NEB: variants seen among roughly 807,000 people sequenced by gnomAD.
NEB encodes nebulin.
A neutral mutation model predicts 952.2 loss-of-function variants in NEB; 512 were observed. The observed-to-expected ratio is 0.54, with a 90% CI of 0.50 to 0.58. The LOEUF is 0.58. Among genes scored for constraint, NEB ranks in the 20% least tolerant of loss-of-function variants. The pLI is 0.00. For synonymous variants in NEB, 2,900 were observed against 3,149.8 expected (o/e 0.92, Z 2.66); for missense variants, 8,428 against 9,231.1 (o/e 0.91, Z 3.56).
intron 109 of NEB, 73 bp downstream of exon 109, chr2:151,570,008 G>T (rs2153751951): frequency 1.4e-6 from 2 of 1,392,484 alleles, no homozygotes; most frequent in Admixed American, 2.0e-5. Flanking sequence ...GACAGAAGGG[G>T]TTAGTGTCAT....
Position 151,627,525 on chromosome 2 carries a change from C to T in NEB, c.10141G>A (p.Asp3381Asn), listed in dbSNP as rs374760449. Residue 3381 changes from aspartate to asparagine, a missense_variant and splice_region_variant, in exon 69 of 182, where the codon GAT becomes AAT. This residue lies in a region of NEB where 1,772 missense variants were observed against 1,960.3 expected (regional missense o/e 0.90). Coordinates refer to ENST00000397345, the MANE Select transcript of NEB (RefSeq NM_001164508.2). ...TACCATGGATCTTAATTACTCACAT[C>T]GCTCTGGAGGTCATAGGCCTGCCGA... ...HARQAYDLQS[D>N]NIYKSDLQWL... is the part of the protein sequence containing the mutation. The T allele has an allele frequency of 4.2e-5, 68 of 1,613,258 alleles. No homozygotes were observed. The African/African-American group carries it at 4.3e-4, about 10-fold the overall frequency.
chr2:151,677,309 T>C (rs777259646), intron 34 of NEB, among the ~76,000 whole-genome samples: 3 of 152,168 alleles, frequency 2.0e-5, no homozygotes, highest in Non-Finnish European at 4.4e-5. Context: ...TTTTTCACCA[T>C]GTCAAGTTTA....
At chr2:151,694,284 C>A in intron 20 of NEB, 39 bp downstream of exon 20, 1 of 1,546,218 alleles carries the variant, frequency 6.5e-7, no homozygotes, top group Non-Finnish European at 8.9e-7. Flanking sequence ...AACTTTGTGG[C>A]CACGTCTGAA....
intron 73 of NEB, among the ~76,000 whole-genome samples, chr2:151,618,755 A>T (rs922707973): frequency 6.6e-6 from 1 of 152,146 alleles, no homozygotes; most frequent in Non-Finnish European, 1.5e-5. Context: ...TTTTACAGAG[A>T]AGCATGCTTT....
chr2:151,625,494 C>A, intron 71 of NEB, 40 bp downstream of exon 71: 2 of 1,411,440 alleles, frequency 1.4e-6, no homozygotes, highest in South Asian at 2.6e-5. Context: ...CGGCAACAAT[C>A]AATGTGGCCA....
chr2:151,681,454 T>C (rs1484023400), intron 29 of NEB, among the ~76,000 whole-genome samples: 2 of 152,242 alleles, frequency 1.3e-5, no homozygotes, highest in African/African-American at 4.8e-5. Flanking sequence ...CTTATTCCTG[T>C]ACGCGTCTCT....
rs16830236 is a variant in NEB at position 151,567,211 on chromosome 2, T to C, written c.18113A>G (p.Asn6038Ser). The C allele has an allele frequency of 2.1e-3, 3,417 of 1,613,174 alleles. 71 individuals are homozygous for C. In the African/African-American group the frequency reaches 0.039, roughly 18 times the overall value. ...GGCCTTTCTTGCCTGAATAACATCG[T>C]TCTGGTCAGGATGACACATCCATTG... Reference protein sequence around the residue: ...LHQWMCHPDQNDVIQARKAYD... With the variant: ...LHQWMCHPDQSDVIQARKAYD... Residue 6038 changes from asparagine (N) to serine (S), a missense_variant, in exon 114 of 182, where the codon AAC becomes AGC. Asn to Ser is a conservative substitution (Grantham distance 46, BLOSUM62 1). Transcript: ENST00000397345.
intron 40 of NEB, among the ~76,000 whole-genome samples, chr2:151,667,601 C>T (rs935320721): frequency 3.3e-5 from 5 of 151,902 alleles, no homozygotes; most frequent in African/African-American, 7.3e-5. Context: ...AATCACAGCT[C>T]ACTGCAGCTT....
At position 151,562,158 on chromosome 2, in the gene NEB, A is replaced by T. The variant is rs370206339; in HGVS notation, c.18948T>A (p.Asp6316Glu). The T allele has an allele frequency of 5.2e-5, 84 of 1,613,646 alleles. No homozygotes were observed. The African/African-American group carries it at 9.9e-4, about 19-fold the overall frequency. ...WLKGIGCYVW[D>E]TPQILHAKKS... ...TCTTGGCATGGAGGATTTGGGGTGT[A>T]TCCCAAACGTAGCAACCAATGCCTT... The change falls in exon 121 of 182, where the codon GAT becomes GAA. Residue 6316 changes from aspartate (D) to glutamate (E), a missense_variant. Transcript: ENST00000397345.
chr2:151,581,693 A>C, intron 102 of NEB, 106 bp from the exon 103 acceptor site: 1 of 1,310,294 alleles, frequency 7.6e-7, no homozygotes, highest in Non-Finnish European at 1.0e-6. Context: ...TGGATGATGA[A>C]AAAAATTTTA....
At position 151,666,279 on chromosome 2, in the gene NEB, G is replaced by C. The variant is rs2154179061; in HGVS notation, c.4842C>G (p.Tyr1614Ter). 1 of 1,613,908 alleles carries C rather than the reference G, an allele frequency of 6.2e-7. No homozygotes were observed. The highest frequency in any genetic ancestry group is 1.3e-5 in the African/African-American group (1 of 75,032). ...TCTTGCTGGCTTCATAGCCCTTTTT[G>C]TACTCACGATCAGACTGGATTTTGG... The part of the protein sequence containing the change: ...NVAKIQSDRE[Y>*]KKGYEASKTK... Residue 1614 changes from tyrosine to a stop codon, truncating the protein, a stop_gained, in exon 41 of 182, where the codon TAC (tyrosine) becomes TAG (stop). Coordinates refer to ENST00000397345, the MANE Select transcript of NEB (RefSeq NM_001164508.2). LOFTEE classifies it high-confidence loss of function.
At position 151,642,930 on chromosome 2, in the gene NEB, G is replaced by T; in HGVS notation, c.8161-61C>A. On this transcript the variant is annotated intron_variant, in intron 58 of 181. Transcript: ENST00000397345. ...AGTAATAAATAGACACATGCAGACA[G>T]TCTGATTTTTAATGAGAATCAAGAA... is the stretch of plus-strand genomic sequence containing the variant. 3 of 1,358,018 alleles carry T rather than the reference G, an allele frequency of 2.2e-6. No individual in the cohort carries two copies. In the South Asian group the frequency reaches 4.0e-5, roughly 18 times the overall value. The allele number at this position is 1,358,018 out of a possible 1,614,324, so 84.1% of individuals were successfully genotyped here. A position where few individuals can be genotyped will look rare whatever the true frequency, so the allele number is the denominator to read the frequency against.
chr2:151,640,710 G>A (rs374908915), intron 60 of NEB, 44 bp from the exon 61 acceptor site: 3 of 1,556,006 alleles, frequency 1.9e-6, no homozygotes, highest in Non-Finnish European at 1.7e-6. Flanking sequence ...TTAACTTTTA[G>A]TAAAAAGCAA....
chr2:151,615,834 G>A, intron 76 of NEB, 168 bp downstream of exon 76: 1 of 602,914 alleles, frequency 1.7e-6, no homozygotes, highest in Non-Finnish European at 2.9e-6. Context: ...AATGGGTCTA[G>A]AATTTTGTGC....
Position 151,658,049 on chromosome 2 carries a change from G to T in NEB, c.6117C>A (p.Gly2039=), listed in dbSNP as rs1230322271. The T allele has an allele frequency of 2.5e-6, 4 of 1,610,332 alleles. No individual in the cohort carries two copies. Among genetic ancestry groups the T allele is most frequent in the Non-Finnish European group, 2.5e-6 (3 of 1,177,890 alleles). Residue 2039 remains glycine (G), a synonymous_variant, in exon 48 of 182, where the codon GGC becomes GGA. Transcript: ENST00000397345. ...GAATTGCATCAGGTCTGAGATCATAGCCTTTCTTTTTAGACTCTTCCAAGG... is the reference window on the plus strand; with the variant it reads ...GAATTGCATCAGGTCTGAGATCATATCCTTTCTTTTTAGACTCTTCCAAGG... The part of the protein sequence containing the change: ...KLSLEESKKK[G]YDLRPDAIPI...
At chr2:151,637,617 G>C (rs998620335) in intron 63 of NEB, among the ~76,000 whole-genome samples, 1 of 152,178 alleles carries the variant, frequency 6.6e-6, no homozygotes, top group Non-Finnish European at 1.5e-5. Flanking sequence ...ACTGGCAGCC[G>C]AGTAGCCGCA....
At chr2:151,654,721 T>C (rs531694264) in intron 51 of NEB, among the ~76,000 whole-genome samples, 6 of 152,322 alleles carry the variant, frequency 3.9e-5, no homozygotes, top group Admixed American at 1.3e-4. Context: ...TCATAGGCAC[T>C]TTTATGGTCC....
rs371041798 is a variant in NEB, at chr2:151,663,625, C to T, written c.5686G>A (p.Val1896Met). The change falls in exon 45 of 182, where the codon GTG (valine) becomes ATG (methionine). Residue 1896 changes from valine to methionine, a missense_variant. Val to Met is a conservative substitution (Grantham distance 21). Around this residue, in one of 11 missense-constraint regions of NEB, gnomAD observed 2,851 missense variants for 2,791.5 expected, o/e 1.02. Coordinates refer to ENST00000397345, the MANE Select transcript of NEB (RefSeq NM_001164508.2). ...EVATNANYRN[V>M]IHTYNMLPDA... ...GGAAGCATGTTGTAGGTATGGATCA[C>T]GTTCCTGTAGTTGGCATTGGTGGCC... 22 of 1,613,686 alleles carry T rather than the reference C, an allele frequency of 1.4e-5. No individual in the cohort carries two copies. Among genetic ancestry groups the T allele is most frequent in the Non-Finnish European group, 1.7e-5 (20 of 1,179,756 alleles).
intron 67 of NEB, among the ~76,000 whole-genome samples, 199 bp downstream of exon 67, chr2:151,630,516 A>C (rs1399333890): frequency 1.3e-5 from 2 of 152,246 alleles, no homozygotes; most frequent in Non-Finnish European, 2.9e-5. Context: ...AATCACCACG[A>C]ACAGAAAAGA....
Sources: gnomAD v4.1 joint callset for allele counts (sites outside exome capture counted in the v4.1 genomes callset) on GRCh38, gnomAD v4.1.1 for gene constraint, gnomAD v4.1.1 regional missense constraint, MANE v1.5 for transcripts, NCBI Gene and HGNC (gene_info 2026-07-23, HGNC 2026-07-21) for gene names.